The following USP34 variants were observed in gnomAD, a reference collection of about 807,000 sequenced individuals.
USP34 encodes the protein ubiquitin specific peptidase 34.
Under a neutral mutation model 460.3 loss-of-function variants are expected in USP34, and 70 were observed. The ratio of observed to expected loss-of-function variants is 0.15; its 90% CI spans 0.13 to 0.19. The LOEUF is 0.19. Among genes scored for constraint, USP34 ranks in the 10% least tolerant of loss-of-function variants. The pLI is 1.00. For synonymous variants in USP34, 1,647 were observed against 1,405.3 expected, an observed-to-expected ratio of 1.17 and a Z score of -3.85; for missense variants, 3,985 against 4,236.2, an observed-to-expected ratio of 0.94 and a Z score of 1.65.
Position 61,348,062 on chromosome 2 carries a change from G to C in USP34, c.2093C>G (p.Ser698Cys), listed in dbSNP as rs1485275213. 2.5e-6 allele frequency: 4 copies of C among 1,614,096 alleles called. No homozygotes were observed. Among genetic ancestry groups the C allele is most frequent in the Non-Finnish European group, 3.4e-6 (4 of 1,180,040 alleles). The change falls in exon 15 of 80, where the codon TCT (serine) becomes TGT (cysteine). Residue 698 changes from serine to cysteine, a missense_variant. Physicochemically the swap from Ser to Cys is moderately radical, Grantham distance 112 (BLOSUM62 -1). Around this residue, in one of 14 missense-constraint regions of USP34, gnomAD observed 716 missense variants for 626.2 expected, o/e 1.14. Coordinates refer to ENST00000398571, the MANE Select transcript of USP34 (RefSeq NM_014709.4). The part of the protein sequence containing the change: ...RMRMLDACSH[S>C]EDPEHDISGE... ...TGAAATATCATGTTCTGGGTCTTCA[G>C]AGTGTGAACAAGCATCCAGCATTCG...
At chr2:61,221,813 A>T in intron 65 of USP34, 1 of 412,046 alleles carries the variant, frequency 2.4e-6, no homozygotes, top group Non-Finnish European at 4.3e-6. Flanking sequence ...CACGTATGAT[A>T]GATTTTTCTG....
intron 53 of USP34, among the ~76,000 whole-genome samples, chr2:61,237,380 C>T (rs985802201): frequency 6.6e-6 from 1 of 152,010 alleles, no homozygotes; most frequent in Non-Finnish European, 1.5e-5. Context: ...CCTTCAACCC[C>T]ATAATGGCCT....
At chr2:61,275,238 C>T (rs537773441) in intron 41 of USP34, among the ~76,000 whole-genome samples, 10 of 152,206 alleles carry the variant, frequency 6.6e-5, no homozygotes, top group African/African-American at 2.4e-4. Flanking sequence ...GAGATCATGC[C>T]ACTGAAGTCC....
intron 10 of USP34, among the ~76,000 whole-genome samples, chr2:61,358,724 A>G (rs1692182144): frequency 6.6e-6 from 1 of 152,256 alleles, no homozygotes; most frequent in African/African-American, 2.4e-5. Context: ...AAAATCCTAA[A>G]GAATCCACAG....
intron 16 of USP34, among the ~76,000 whole-genome samples, chr2:61,342,612 CT>C (rs747665911): frequency 2.0e-5 from 3 of 151,794 alleles, no homozygotes; most frequent in Non-Finnish European, 2.9e-5. Flanking sequence ...ATGCCCAGCC[CT>C]TATTGACCAT....
intron 72 of USP34, among the ~76,000 whole-genome samples, chr2:61,205,426 C>T (rs972739526): frequency 4.6e-5 from 7 of 152,164 alleles, no homozygotes; most frequent in African/African-American, 9.6e-5. Context: ...AACGTCAAGA[C>T]GGACTGCTTA....
At position 61,327,806 on chromosome 2, in the gene USP34, T is replaced by C. The variant is rs537571923; in HGVS notation, c.2931-2349A>G. 2.6e-5 allele frequency among the ~76,000 whole-genome samples: 4 copies of C among 152,244 alleles called. No homozygotes were observed. The South Asian group carries it at 8.3e-4, about 32-fold the overall frequency. ...AATTCCTTGGGATGTCAGACAAAGA[T>C]GGTATCAATATTGACAAATTCTCAT... On this transcript the variant is annotated intron_variant, in intron 20 of 79. Coordinates refer to ENST00000398571, the MANE Select transcript of USP34 (RefSeq NM_014709.4).
intron 51 of USP34, among the ~76,000 whole-genome samples, chr2:61,243,269 C>T (rs1347002469): frequency 3.9e-5 from 6 of 152,150 alleles, no homozygotes; most frequent in African/African-American, 1.2e-4. Flanking sequence ...GTCTCAGCCT[C>T]CTGAGTAGCT....
At chr2:61,375,499 G>A (rs943177346) in intron 8 of USP34, among the ~76,000 whole-genome samples, 6 of 152,098 alleles carry the variant, frequency 3.9e-5, no homozygotes, top group Non-Finnish European at 5.9e-5. Flanking sequence ...GCGGGGCGCG[G>A]TGGCTCACGC....
intron 43 of USP34, among the ~76,000 whole-genome samples, chr2:61,262,226 A>G (rs1185693720): frequency 6.7e-6 from 1 of 149,254 alleles, no homozygotes; most frequent in Non-Finnish European, 1.5e-5. Context: ...TCAGGGGTAC[A>G]TATGCAGGTT....
At chr2:61,255,676 A>G (rs553379630) in intron 48 of USP34, among the ~76,000 whole-genome samples, 1 of 152,360 alleles carries the variant, frequency 6.6e-6, no homozygotes, top group Non-Finnish European at 1.5e-5. Context: ...GAAAATTCCA[A>G]AAATAAACAA....
In USP34 at chr2:61,284,957, C is replaced by T; in HGVS notation, c.4750G>A (p.Val1584Ile). The change falls in exon 35 of 80, where the codon GTA becomes ATA. Residue 1584 changes from valine (V) to isoleucine (I), a missense_variant and splice_region_variant. Physicochemically the swap from Val to Ile is conservative, Grantham distance 29. Coordinates refer to ENST00000398571, the MANE Select transcript of USP34 (RefSeq NM_014709.4). ...GTTCCTTGGACAAGAACAAGAAATA[C>T]CTTTAAAACAAAAACATTTTAAAAG... ...KGLHIPRLTE[V>I]FLVLVQGTSL... 1.2e-6 allele frequency: 2 copies of T among 1,605,006 alleles called. No homozygotes were observed. The highest frequency in any genetic ancestry group is 1.7e-6 in the Non-Finnish European group (2 of 1,175,936).
At chr2:61,200,545 T>G (rs891515020) in intron 75 of USP34, 5 of 152,310 alleles carry the variant, frequency 3.3e-5, no homozygotes, top group Non-Finnish European at 5.9e-5. Context: ...CATATAAAAA[T>G]TACCACAAAG....
rs761146654 is a variant in USP34 at position 61,266,009 on chromosome 2, G to T, written c.5592C>A (p.Asn1864Lys). Residue 1864 changes from asparagine (N) to lysine (K), a missense_variant, in exon 42 of 80, where the codon AAC becomes AAA. Transcript: ENST00000398571. ...ACTGCATGTGTTGTGCCATAACCCA[G>T]TTGTGTATTAGCCTGTAGTTCTCAA... ...GSVENYRLIH[N>K]WVMAQHMQSH... is the part of the protein sequence containing the mutation. The T allele has an allele frequency of 6.2e-7, 1 of 1,611,230 alleles. No homozygotes were observed. Among genetic ancestry groups the T allele is most frequent in the Non-Finnish European group, 8.5e-7 (1 of 1,177,828 alleles).
At position 61,383,297 on chromosome 2, in the gene USP34, T is replaced by C. The variant is rs770777086; in HGVS notation, c.793A>G (p.Ile265Val). Reference sequence around the variant, plus strand: ...ATAACATAGGTCCTAAAAGGTATAATGTGCTGCATGACAGCGGGAATATGT... The same window carrying C: ...ATAACATAGGTCCTAAAAGGTATAACGTGCTGCATGACAGCGGGAATATGT... ...WLHIPAVMQH[I>V]IPFRTYVIRY... Residue 265 changes from isoleucine to valine, a missense_variant, in exon 6 of 80, where the codon ATT becomes GTT. Coordinates refer to ENST00000398571, the MANE Select transcript of USP34 (RefSeq NM_014709.4). 6 of 1,605,674 alleles carry C rather than the reference T, an allele frequency of 3.7e-6. No homozygotes were observed. The highest frequency in any genetic ancestry group is 2.2e-5 in the East Asian group (1 of 44,756).
At chr2:61,194,351 A>G (rs1313032079) in intron 75 of USP34, 1 of 965,002 alleles carries the variant, frequency 1.0e-6, no homozygotes, top group Admixed American at 6.2e-5. Context: ...ATGTCATCAC[A>G]TCTGTGGCTA....
At chr2:61,400,545 T>C (rs954372887) in intron 3 of USP34, among the ~76,000 whole-genome samples, 8 of 152,156 alleles carry the variant, frequency 5.3e-5, no homozygotes, top group Non-Finnish European at 5.9e-5. Context: ...ACAACGTTGG[T>C]ATTATTCTAA....
chr2:61,383,390 T>C, intron 5 of USP34, 54 bp from the exon 6 acceptor site: 1 of 1,305,302 alleles, frequency 7.7e-7, no homozygotes, highest in Non-Finnish European at 1.1e-6. Context: ...AATACATATA[T>C]CTTTCACTAA....
intron 27 of USP34, among the ~76,000 whole-genome samples, chr2:61,306,197 T>C (rs1336599220): frequency 2.0e-5 from 3 of 152,242 alleles, no homozygotes; most frequent in Non-Finnish European, 4.4e-5. Flanking sequence ...TCTAGGGTTT[T>C]TATGGTTTTA....
Sources: gnomAD v4.1 joint callset for allele counts (sites outside exome capture counted in the v4.1 genomes callset) on GRCh38, gnomAD v4.1.1 for gene constraint, gnomAD v4.1.1 regional missense constraint, MANE v1.5 for transcripts, NCBI Gene and HGNC (gene_info 2026-07-23, HGNC 2026-07-21) for gene names.